RCBTB2: variants seen among roughly 807,000 people sequenced by gnomAD.
RCBTB2 encodes RCC1 and BTB domain containing protein 2.
In RCBTB2, 55 loss-of-function variants were observed where a neutral mutation model predicts 65.4. That is an observed-to-expected ratio of 0.84 (90% CI 0.68 to 1.05). The LOEUF is 1.05. RCBTB2 is among the 50% of genes least tolerant of loss of function. The probability of loss-of-function intolerance (pLI) is 0.00; values close to 1 mark genes in which losing one functional copy is unlikely to be tolerated. For synonymous variants in RCBTB2, 220 were observed against 255.2 expected (o/e 0.86, Z 1.31); for missense variants, 599 against 680.1 (o/e 0.88, Z 1.33).
intron 10 of RCBTB2, among the ~76,000 whole-genome samples, chr13:48,505,200 T>C (rs142770201): frequency 2.2e-3 from 335 of 152,280 alleles, no homozygotes; most frequent in Middle Eastern, 6.8e-3. Context: ...TTCATCACAT[T>C]GCAAGGGTGG....
chr13:48,497,083 A>G (rs1720252532), intron 13 of RCBTB2, among the ~76,000 whole-genome samples: 1 of 152,152 alleles, frequency 6.6e-6, no homozygotes, highest in Non-Finnish European at 1.5e-5. Flanking sequence ...AGGGTGCAAT[A>G]TTCTCTGGTT....
intron 1 of RCBTB2, among the ~76,000 whole-genome samples, chr13:48,527,361 T>TATAATATA: frequency 8.9e-6 from 1 of 112,446 alleles, no homozygotes; most frequent in African/African-American, 5.5e-5. Flanking sequence ...TGATATATAT[T>TATAATATA]TATATATGAT....
intron 2 of RCBTB2, among the ~76,000 whole-genome samples, chr13:48,523,970 G>C (rs1458940970): frequency 6.6e-6 from 1 of 152,146 alleles, no homozygotes; most frequent in Non-Finnish European, 1.5e-5. Flanking sequence ...GATTCAAATT[G>C]AATGAAATGT....
chr13:48,504,441 G>T, intron 10 of RCBTB2: 1 of 553,544 alleles, frequency 1.8e-6, no homozygotes, highest in Non-Finnish European at 2.3e-6. Context: ...TTCATACATG[G>T]TTGTTCAGGA....
At chr13:48,493,305 A>ACTCTCTCTCTCT (rs1949799658) in intron 14 of RCBTB2, among the ~76,000 whole-genome samples, 1 of 64,616 alleles carries the variant, frequency 1.5e-5, no homozygotes, top group South Asian at 6.0e-4. Context: ...ACACACACAC[A>ACTCTCTCTCTCT]CACACACACA....
intron 14 of RCBTB2, among the ~76,000 whole-genome samples, chr13:48,493,491 T>C (rs902533031): frequency 2.0e-5 from 3 of 151,946 alleles, no homozygotes; most frequent in Non-Finnish European, 4.4e-5. Context: ...GGAACTCTGA[T>C]TCCTGAAACT....
chr13:48,514,454 A>G (rs1950974425), intron 6 of RCBTB2, among the ~76,000 whole-genome samples: 1 of 152,262 alleles, frequency 6.6e-6, no homozygotes. Flanking sequence ...AAACTTGAGA[A>G]AGTAAAACCA....
chr13:48,489,775 AGCT>A lies in RCBTB2; in HGVS notation c.*333_*335del. On this transcript the variant is annotated 3_prime_UTR_variant, in exon 15 of 15. Coordinates refer to ENST00000344532, the MANE Select transcript of RCBTB2 (RefSeq NM_001268.4). ...TCAAGCTATCTATGTGGTATCAGCC[AGCT>A]GAATAATGGAACATTTGGGCCAGAA... 1 of 308,302 alleles carries A rather than the reference AGCT, an allele frequency of 3.2e-6. No individual in the cohort carries two copies. Among genetic ancestry groups the A allele is most frequent in the Non-Finnish European group, 6.2e-6 (1 of 162,108 alleles). The allele number at this position is 308,302 out of a possible 1,614,324, so 19.1% of individuals were successfully genotyped here. A position where few individuals can be genotyped will look rare whatever the true frequency, so the allele number is the denominator to read the frequency against.
At chr13:48,498,124 T>C (rs555463336) in intron 13 of RCBTB2, among the ~76,000 whole-genome samples, 28 of 152,110 alleles carry the variant, frequency 1.8e-4, no homozygotes, top group Admixed American at 9.2e-4. Context: ...GTAACCTGGG[T>C]TGGGGGTGGA....
At chr13:48,510,990 C>G (rs1262384243) in intron 9 of RCBTB2, among the ~76,000 whole-genome samples, 1 of 152,118 alleles carries the variant, frequency 6.6e-6, no homozygotes, top group Non-Finnish European at 1.5e-5. Context: ...CCCCAGTTCA[C>G]TAGAGCTTTA....
At chr13:48,496,346 G>T in intron 13 of RCBTB2, 25 bp from the exon 14 acceptor site, 2 of 1,512,558 alleles carry the variant, frequency 1.3e-6, no homozygotes, top group South Asian at 1.3e-5. Flanking sequence ...TGTTTATTAG[G>T]GGGAGTGATT....
At position 48,490,127 on chromosome 13, in the gene RCBTB2, C is replaced by T. The variant is rs1334066845; in HGVS notation, c.1640G>A (p.Gly547Glu). 6.2e-7 allele frequency: 1 copy of T among 1,614,030 alleles called. No homozygotes were observed. The highest frequency in any genetic ancestry group is 1.1e-5 in the South Asian group (1 of 91,062). ...KNFISKASRV[G>E]AFKN ...CAGATGGGATCAATTTTTAAAGGCT[C>T]CAACTCTGCTTGCTTTGCTGATAAA... Residue 547 changes from glycine (G) to glutamate (E), a missense_variant, in exon 15 of 15, where the codon GGA becomes GAA. Physicochemically the swap from Gly to Glu is moderately conservative, Grantham distance 98 (BLOSUM62 -2). Transcript: ENST00000344532.
intron 14 of RCBTB2, among the ~76,000 whole-genome samples, chr13:48,494,182 G>C (rs1328326805): frequency 6.6e-6 from 1 of 152,138 alleles, no homozygotes; most frequent in Non-Finnish European, 1.5e-5. Context: ...AATGAAACAT[G>C]AACTGTGCTT....
chr13:48,507,021 G>A (rs1040746764), intron 10 of RCBTB2, among the ~76,000 whole-genome samples: 1 of 152,232 alleles, frequency 6.6e-6, no homozygotes, highest in South Asian at 2.1e-4. Flanking sequence ...GGTAGCCTCT[G>A]CCCCTAGAGC....
At chr13:48,530,220 C>T (rs1182280717) in intron 1 of RCBTB2, among the ~76,000 whole-genome samples, 1 of 152,102 alleles carries the variant, frequency 6.6e-6, no homozygotes, top group East Asian at 1.9e-4. Context: ...TAATTTAAAT[C>T]CAAGTAAACC....
chr13:48,493,283 CT>C (rs1949791804), intron 14 of RCBTB2, among the ~76,000 whole-genome samples: 4 of 116,598 alleles, frequency 3.4e-5, no homozygotes, highest in African/African-American at 2.1e-4. Context: ...CACCCTCTCT[CT>C]CTCTCCACAC....
rs767924966 is a variant in RCBTB2, at chr13:48,512,185, G to A, written c.517-11C>T. On this transcript the variant is annotated splice_polypyrimidine_tract_variant and intron_variant, in intron 7 of 14. Transcript: ENST00000344532. ...ACCCCAGGCAAATACCTGTTTAAAGGAAAGATCAGTAAATGAAACAGATTA... is the reference window on the plus strand; with the variant it reads ...ACCCCAGGCAAATACCTGTTTAAAGAAAAGATCAGTAAATGAAACAGATTA... 4.4e-6 allele frequency: 7 copies of A among 1,606,982 alleles called. No homozygotes were observed. The Admixed American group carries it at 5.0e-5, about 12-fold the overall frequency.
At chr13:48,534,318 A>G (rs1952323305), upstream of RCBTB2, among the ~76,000 whole-genome samples, 1 of 152,308 alleles carries the variant, frequency 6.6e-6, no homozygotes, top group African/African-American at 2.4e-5. Flanking sequence ...TTCAGTGATG[A>G]TAGCTGGCAT....
chr13:48,520,880 T>C (rs1199466560), intron 4 of RCBTB2, among the ~76,000 whole-genome samples: 1 of 152,126 alleles, frequency 6.6e-6, no homozygotes, highest in African/African-American at 2.4e-5. Context: ...AACTTTTGAG[T>C]ACTTCCTAGC....
Sources: allele counts gnomAD v4.1 joint callset (sites outside exome capture counted in the v4.1 genomes callset), GRCh38; gene constraint gnomAD v4.1.1; transcripts MANE v1.5; gene names NCBI Gene and HGNC (gene_info 2026-07-23, HGNC 2026-07-21).